The following ZBTB46 variants were observed in gnomAD, a reference collection of about 807,000 sequenced individuals.
ZBTB46 encodes the protein zinc finger and BTB domain containing 46.
ZBTB46 carries 8 observed loss-of-function variants against 44.1 expected under a neutral mutation model. The ratio of observed to expected loss-of-function variants is 0.18; its 90% CI spans 0.11 to 0.33. ZBTB46 has a LOEUF of 0.33. Ranked by LOEUF, ZBTB46 falls within the 10% of genes least tolerant of loss-of-function variation. ZBTB46 has a pLI of 1.00. For missense variants in ZBTB46, 651 were observed against 847.7 expected, an observed-to-expected ratio of 0.77 and a Z score of 2.88; for synonymous variants, 409 against 382.3, an observed-to-expected ratio of 1.07 and a Z score of -0.81.
At chr20:63,823,824 T>G (rs1298977895) in intron 1 of ZBTB46, among the ~76,000 whole-genome samples, 2 of 149,932 alleles carry the variant, frequency 1.3e-5, no homozygotes, top group Non-Finnish European at 3.0e-5. Flanking sequence ...TCCTCTGTCC[T>G]GATTCCTGTC....
At chr20:63,779,830 G>T (rs928291548) in intron 2 of ZBTB46, among the ~76,000 whole-genome samples, 7 of 152,078 alleles carry the variant, frequency 4.6e-5, no homozygotes, top group African/African-American at 9.6e-5. Context: ...AAAGTGCTGG[G>T]ATTACAAGCA....
chr20:63,783,423 G>A (rs1422450334), intron 2 of ZBTB46, among the ~76,000 whole-genome samples: 4 of 152,192 alleles, frequency 2.6e-5, no homozygotes, highest in African/African-American at 9.7e-5. Flanking sequence ...GCGAGACTCC[G>A]TCTCAAAACA....
intron 3 of ZBTB46, among the ~76,000 whole-genome samples, chr20:63,774,380 G>A (rs950802242): frequency 6.6e-6 from 1 of 152,230 alleles, no homozygotes; most frequent in African/African-American, 2.4e-5. Flanking sequence ...TAAAGAAACA[G>A]AGAAACAGAT....
At chr20:63,777,073 C>CCACTGGG (rs1248397862) in intron 2 of ZBTB46, among the ~76,000 whole-genome samples, 4 of 43,942 alleles carry the variant, frequency 9.1e-5, no homozygotes, top group Non-Finnish European at 2.4e-4. Context: ...CAGCACACGC[C>CCACTGGG]ACGGTTCCAC....
intron 1 of ZBTB46, among the ~76,000 whole-genome samples, chr20:63,801,066 G>A (rs1029159047): frequency 5.3e-5 from 8 of 152,230 alleles, no homozygotes; most frequent in African/African-American, 1.9e-4. Flanking sequence ...TCAGCACTCT[G>A]TGTCTAGCTC....
At chr20:63,825,360 C>A (rs2092813913) in intron 1 of ZBTB46, among the ~76,000 whole-genome samples, 1 of 147,948 alleles carries the variant, frequency 6.8e-6, no homozygotes, top group South Asian at 2.2e-4. Flanking sequence ...GAGATCTCGT[C>A]ACTGCACTCC....
intron 3 of ZBTB46, among the ~76,000 whole-genome samples, chr20:63,773,632 C>A (rs73916646): frequency 4.6e-5 from 7 of 151,796 alleles, no homozygotes; most frequent in Non-Finnish European, 8.8e-5. Context: ...GATCCCCCTC[C>A]GACGGCACCC....
intron 1 of ZBTB46, among the ~76,000 whole-genome samples, chr20:63,825,310 A>G: frequency 6.6e-6 from 1 of 150,400 alleles, no homozygotes. Flanking sequence ...CCAAGGCAGG[A>G]GATTCGCTTG....
chr20:63,824,446 A>G (rs1002723649), intron 1 of ZBTB46, among the ~76,000 whole-genome samples: 1 of 152,190 alleles, frequency 6.6e-6, no homozygotes, highest in Non-Finnish European at 1.5e-5. Context: ...AAGAAAGACT[A>G]CAGACCATGT....
intron 1 of ZBTB46, among the ~76,000 whole-genome samples, chr20:63,818,361 G>A (rs760706749): frequency 6.6e-6 from 1 of 152,192 alleles, no homozygotes; most frequent in East Asian, 1.9e-4. Context: ...GCTGGGCTGC[G>A]TAAGGAGGTC....
chr20:63,754,392 A>C (rs1321176351), intron 3 of ZBTB46, among the ~76,000 whole-genome samples: 2 of 152,226 alleles, frequency 1.3e-5, no homozygotes, highest in African/African-American at 4.8e-5. Context: ...CAAACGCTCC[A>C]CACATTCTAG....
chr20:63,748,114 T>C (rs144933109), intron 4 of ZBTB46, among the ~76,000 whole-genome samples: 45 of 152,250 alleles, frequency 3.0e-4, no homozygotes, highest in Non-Finnish European at 5.7e-4. Context: ...CAGGAACGTG[T>C]AAAGGAGGCA....
At chr20:63,768,796 T>G (rs1601424036) in intron 3 of ZBTB46, among the ~76,000 whole-genome samples, 2 of 151,868 alleles carry the variant, frequency 1.3e-5, no homozygotes. Flanking sequence ...CAGGGCTCTG[T>G]GAGGCTCGGA....
At chr20:63,808,248 G>C (rs546580524) in intron 1 of ZBTB46, 1 of 152,438 alleles carries the variant, frequency 6.6e-6, no homozygotes, top group Non-Finnish European at 1.5e-5. Context: ...CAGACGGAGG[G>C]GGGGCCCATG....
chr20:63,788,829 ACTGT>A (rs1341834461), intron 2 of ZBTB46, among the ~76,000 whole-genome samples: 1 of 145,274 alleles, frequency 6.9e-6, no homozygotes, highest in Non-Finnish European at 1.5e-5. Context: ...ACACGGTGAG[ACTGT>A]CTCTTTTTTT....
chr20:63,774,648 G>A (rs958820747), intron 3 of ZBTB46, among the ~76,000 whole-genome samples: 3 of 151,944 alleles, frequency 2.0e-5, no homozygotes, highest in East Asian at 1.9e-4. Context: ...CCACATGAGC[G>A]CGAGACCAGA....
At chr20:63,768,834 T>C (rs1244446604) in intron 3 of ZBTB46, among the ~76,000 whole-genome samples, 2 of 151,654 alleles carry the variant, frequency 1.3e-5, no homozygotes, top group African/African-American at 2.4e-5. Context: ...GAGTCGGGGG[T>C]TGGCCAGAAA....
intron 4 of ZBTB46, among the ~76,000 whole-genome samples, chr20:63,750,835 C>G (rs1224379653): frequency 3.3e-5 from 5 of 151,518 alleles, no homozygotes; most frequent in African/African-American, 1.2e-4. Context: ...CCCGGGAGGT[C>G]AAAGTTGTAG....
intron 3 of ZBTB46, among the ~76,000 whole-genome samples, chr20:63,774,583 G>A (rs996240559): frequency 6.6e-6 from 1 of 152,138 alleles, no homozygotes; most frequent in South Asian, 2.1e-4. Context: ...ACTCTCAGCC[G>A]CATGCTGAGT....
Sources: allele counts gnomAD v4.1 joint callset (sites outside exome capture counted in the v4.1 genomes callset), GRCh38; gene constraint gnomAD v4.1.1; transcripts MANE v1.5; gene names NCBI Gene and HGNC (gene_info 2026-07-23, HGNC 2026-07-21).